Variants in HS2ST1 observed in about 807,000 individuals in gnomAD.
The protein encoded by HS2ST1 is 2-O-sulfotransferase.
A neutral mutation model predicts 42.9 loss-of-function variants in HS2ST1; 18 were observed. The observed-to-expected ratio is 0.42, with a 90% CI of 0.29 to 0.62. The LOEUF (loss-of-function observed/expected upper bound fraction) is 0.62. HS2ST1 is among the 20% of genes least tolerant of loss of function. The pLI, the probability that HS2ST1 is intolerant of heterozygous loss-of-function variation, is 0.21. For synonymous variants in HS2ST1, 146 were observed against 152.9 expected, an observed-to-expected ratio of 0.95 and a Z score of 0.33; for missense variants, 334 against 433.8, an observed-to-expected ratio of 0.77 and a Z score of 2.04.
chr1:86,964,046 C>T (rs1229307710), intron 1 of HS2ST1, among the ~76,000 whole-genome samples: 3 of 151,956 alleles, frequency 2.0e-5, no homozygotes, highest in Non-Finnish European at 4.4e-5. Flanking sequence ...GGGGTCGCGG[C>T]CGGGCAGAGG....
chr1:86,931,355 A>G (rs1490089382), intron 1 of HS2ST1, among the ~76,000 whole-genome samples: 1 of 152,102 alleles, frequency 6.6e-6, no homozygotes, highest in East Asian at 1.9e-4. Context: ...GATATTAAAT[A>G]ACTTATTTTA....
chr1:87,061,846 C>A (rs1651128334), intron 1 of HS2ST1, among the ~76,000 whole-genome samples: 1 of 151,738 alleles, frequency 6.6e-6, no homozygotes, highest in Non-Finnish European at 1.5e-5. Flanking sequence ...CATGTTACAT[C>A]CCCTCCAGCA....
At chr1:87,087,791 T>G (rs1356649827) in intron 3 of HS2ST1, among the ~76,000 whole-genome samples, 1 of 151,394 alleles carries the variant, frequency 6.6e-6, no homozygotes, top group South Asian at 2.1e-4. Context: ...GGGAGTTGCG[T>G]TTTTATTAAC....
chr1:87,043,279 TA>T (rs1296733015), intron 1 of HS2ST1, among the ~76,000 whole-genome samples: 4 of 152,094 alleles, frequency 2.6e-5, no homozygotes, highest in Non-Finnish European at 1.5e-5. Context: ...CTACATTGAT[TA>T]TTCTGGGTAA....
intron 1 of HS2ST1, among the ~76,000 whole-genome samples, chr1:86,993,470 T>C (rs1649016249): frequency 6.6e-6 from 1 of 152,204 alleles, no homozygotes; most frequent in Non-Finnish European, 1.5e-5. Flanking sequence ...CTAGTTACCC[T>C]CTCCTTAGAG....
At chr1:87,046,433 C>T (rs989445033) in intron 1 of HS2ST1, 2 of 916,892 alleles carry the variant, frequency 2.2e-6, no homozygotes, top group Non-Finnish European at 3.6e-6. Flanking sequence ...AGAGCTAGAA[C>T]ATTCTAATAA....
At chr1:86,993,019 G>A in intron 1 of HS2ST1, 1 of 1,546,934 alleles carries the variant, frequency 6.5e-7, no homozygotes, top group Non-Finnish European at 8.8e-7. Context: ...TGTGGGGAGG[G>A]TACCTCTCAC....
At chr1:87,073,624 A>T (rs913463673) in intron 2 of HS2ST1, among the ~76,000 whole-genome samples, 2 of 152,200 alleles carry the variant, frequency 1.3e-5, no homozygotes, top group Non-Finnish European at 2.9e-5. Flanking sequence ...ATAAATGTAT[A>T]TATAGTTTAG....
chr1:86,960,952 A>C (rs1292246039), intron 1 of HS2ST1, among the ~76,000 whole-genome samples: 1 of 152,190 alleles, frequency 6.6e-6, no homozygotes, highest in Non-Finnish European at 1.5e-5. Flanking sequence ...TTAAGTCCAC[A>C]TAAAAATCTG....
chr1:87,012,224 C>T (rs947825435), intron 1 of HS2ST1, among the ~76,000 whole-genome samples: 6 of 151,998 alleles, frequency 3.9e-5, no homozygotes, highest in Admixed American at 6.6e-5. Flanking sequence ...TTAGTCTGTT[C>T]TCACACTGCT....
chr1:87,010,855 G>A (rs942418084), intron 1 of HS2ST1, among the ~76,000 whole-genome samples: 2 of 151,000 alleles, frequency 1.3e-5, no homozygotes, highest in Admixed American at 6.6e-5. Flanking sequence ...GCATGATCTC[G>A]GCTCACTGCA....
chr1:86,949,119 T>C (rs1464028375), intron 1 of HS2ST1, among the ~76,000 whole-genome samples: 2 of 152,238 alleles, frequency 1.3e-5, no homozygotes, highest in African/African-American at 4.8e-5. Flanking sequence ...ATTTTGTTTA[T>C]TTATTTTAAG....
At chr1:87,095,482 A>G (rs1171102826) in intron 4 of HS2ST1, among the ~76,000 whole-genome samples, 1 of 152,200 alleles carries the variant, frequency 6.6e-6, no homozygotes, top group Non-Finnish European at 1.5e-5. Context: ...TGCACCTAGG[A>G]TAGCTTTCAC....
At chr1:87,062,609 T>C (rs1651143952) in intron 1 of HS2ST1, among the ~76,000 whole-genome samples, 1 of 152,250 alleles carries the variant, frequency 6.6e-6, no homozygotes, top group Admixed American at 6.5e-5. Context: ...TTATTGTATT[T>C]ACACATATTT....
chr1:87,084,331 T>C, intron 3 of HS2ST1, 52 bp downstream of exon 3: 1 of 935,270 alleles, frequency 1.1e-6, no homozygotes, highest in Non-Finnish European at 1.7e-6. Context: ...TCTAGTAACC[T>C]AAAAAGGAAT....
chr1:87,069,870 G>GT (rs1651357709), intron 1 of HS2ST1, among the ~76,000 whole-genome samples: 1 of 152,112 alleles, frequency 6.6e-6, no homozygotes, highest in African/African-American at 2.4e-5. Context: ...AAACATATTT[G>GT]TTTCATGGCC....
chr1:87,084,205 A>G lies in HS2ST1; in HGVS notation c.375A>G (p.Val125=), dbSNP rs1444290469. The stretch of plus-strand genomic sequence containing the variant: ...TTCTCCCTTTTTAGGTGCGCTTTGT[A>G]AAGAATATAACTTCCTGGAAAGAGA... ...VMSLQDQVRF[V]KNITSWKEMK... The change falls in exon 3 of 7, where the codon GTA becomes GTG. Residue 125 remains valine (V), a synonymous_variant. Coordinates refer to ENST00000370550, the MANE Select transcript of HS2ST1 (RefSeq NM_012262.4). The G allele has an allele frequency of 3.8e-6, 6 of 1,595,090 alleles. No homozygotes were observed. Among genetic ancestry groups the G allele is most frequent in the Non-Finnish European group, 5.1e-6 (6 of 1,170,836 alleles).
At position 87,105,856 on chromosome 1, in the gene HS2ST1, G is replaced by T. The variant is rs934199367; in HGVS notation, c.*1160G>T. 6.6e-6 allele frequency: 1 copy of T among 152,420 alleles called. No homozygotes were observed. Among genetic ancestry groups the T allele is most frequent in the Non-Finnish European group, 1.5e-5 (1 of 67,904 alleles). 9.4% of individuals were successfully genotyped at this position (152,420 alleles called of 1,614,324 possible). On this transcript the variant is annotated 3_prime_UTR_variant, in exon 7 of 7. Transcript: ENST00000370550. ...CACAGTTCATTATTCATAACTTGAG[G>T]CAGTAATTACAGTGGAATGAGTACT... is the stretch of plus-strand genomic sequence containing the variant.
chr1:87,068,452 T>A (rs1651310452), intron 1 of HS2ST1, among the ~76,000 whole-genome samples: 1 of 152,200 alleles, frequency 6.6e-6, no homozygotes, highest in Admixed American at 6.5e-5. Context: ...TTAAGGAGAT[T>A]TTGGGCTGAG....
Sources: allele counts gnomAD v4.1 joint callset (sites outside exome capture counted in the v4.1 genomes callset), GRCh38; gene constraint gnomAD v4.1.1; transcripts MANE v1.5; gene names NCBI Gene and HGNC (gene_info 2026-07-23, HGNC 2026-07-21).